The following GRM5 variants were observed in gnomAD, a reference collection of about 807,000 sequenced individuals.
GRM5 encodes the protein metabotropic glutamate receptor 5.
In GRM5, 19 loss-of-function variants were observed where a neutral mutation model predicts 83.1. That is an observed-to-expected ratio of 0.23 (90% confidence interval 0.16 to 0.34). The LOEUF is 0.34. Among genes scored for constraint, GRM5 ranks in the 10% least tolerant of loss-of-function variants. The pLI is 1.00. For missense variants in GRM5, 1,160 were observed against 1,588.3 expected, an observed-to-expected ratio of 0.73 and a Z score of 4.58; for synonymous variants, 675 against 633.6, an observed-to-expected ratio of 1.07 and a Z score of -0.98.
chr11:88,833,284 G>GC (rs549899190), intron 3 of GRM5, among the ~76,000 whole-genome samples: 81 of 151,490 alleles, frequency 5.3e-4, no homozygotes, highest in African/African-American at 1.8e-3. Context: ...AACTCCCGCT[G>GC]CCCCCCCAAA....
intron 9 of GRM5, among the ~76,000 whole-genome samples, chr11:88,521,524 G>C (rs1221088377): frequency 6.6e-6 from 1 of 152,140 alleles, no homozygotes; most frequent in African/African-American, 2.4e-5. Flanking sequence ...CATTCCTGAG[G>C]CTGGACCATC....
intron 2 of GRM5, among the ~76,000 whole-genome samples, chr11:88,994,544 A>G (rs1940111625): frequency 7.1e-6 from 1 of 140,990 alleles, no homozygotes; most frequent in Admixed American, 7.2e-5. Flanking sequence ...ATCCTCTGAG[A>G]GAATCTTGGA....
chr11:89,043,345 CACAAT>C (rs1363267020), intron 2 of GRM5, among the ~76,000 whole-genome samples: 3 of 151,920 alleles, frequency 2.0e-5, no homozygotes, highest in African/African-American at 4.8e-5. Flanking sequence ...TTGTATAAAA[CACAAT>C]ACAATAATTA....
chr11:89,046,839 C>T (rs1941651386), intron 2 of GRM5, among the ~76,000 whole-genome samples: 1 of 151,842 alleles, frequency 6.6e-6, no homozygotes, highest in Non-Finnish European at 1.5e-5. Context: ...CAATAGGCAC[C>T]TAGAACAATC....
intron 2 of GRM5, among the ~76,000 whole-genome samples, chr11:88,929,227 A>T (rs988088890): frequency 6.6e-6 from 1 of 152,104 alleles, no homozygotes. Context: ...CTAAGACTAA[A>T]GAAAGTTCTT....
At chr11:88,729,827 A>T (rs1166200329) in intron 3 of GRM5, among the ~76,000 whole-genome samples, 1 of 152,236 alleles carries the variant, frequency 6.6e-6, no homozygotes, top group Non-Finnish European at 1.5e-5. Flanking sequence ...GGCTAGCCAT[A>T]TGTAGAAAAC....
intron 2 of GRM5, among the ~76,000 whole-genome samples, chr11:89,036,602 G>A (rs1304892477): frequency 6.7e-6 from 1 of 150,304 alleles, no homozygotes; most frequent in Non-Finnish European, 1.5e-5. Context: ...ATTTGATAAT[G>A]AGGAAATTAA....
intron 2 of GRM5, among the ~76,000 whole-genome samples, chr11:88,919,237 G>GATATATATATATATAT (rs1310347767): frequency 1.3e-4 from 1 of 7,408 alleles, no homozygotes; most frequent in African/African-American, 2.4e-4. Context: ...AGCAGGAGTA[G>GATATATATATATATAT]CTATATATAT....
intron 2 of GRM5, among the ~76,000 whole-genome samples, chr11:88,986,267 AT>A (rs1407057551): frequency 5.3e-5 from 8 of 152,188 alleles, no homozygotes. Flanking sequence ...GTATGGTTCA[AT>A]TTATATAACA....
intron 3 of GRM5, among the ~76,000 whole-genome samples, chr11:88,737,084 A>G (rs911049415): frequency 3.3e-5 from 5 of 152,216 alleles, no homozygotes; most frequent in Middle Eastern, 3.4e-3. Context: ...GAGAAATTGA[A>G]TCACACATAC....
At chr11:88,816,786 AT>A (rs1175837104) in intron 3 of GRM5, among the ~76,000 whole-genome samples, 1 of 150,978 alleles carries the variant, frequency 6.6e-6, no homozygotes, top group Non-Finnish European at 1.5e-5. Context: ...CGAATAACCA[AT>A]ATGAGTTTTT....
chr11:89,019,031 C>A (rs560990670), intron 2 of GRM5, among the ~76,000 whole-genome samples: 1 of 152,246 alleles, frequency 6.6e-6, no homozygotes, highest in East Asian at 1.9e-4. Flanking sequence ...GAGATCACAT[C>A]CAGGTTACCA....
chr11:88,743,609 T>C (rs1048548557), intron 3 of GRM5, among the ~76,000 whole-genome samples: 1 of 152,114 alleles, frequency 6.6e-6, no homozygotes, highest in Non-Finnish European at 1.5e-5. Context: ...TGAATGGGCT[T>C]GCAGGATTCA....
chr11:88,687,571 A>ATTATATATATATTATATATATATAT (rs67868877), intron 3 of GRM5, among the ~76,000 whole-genome samples: 2 of 27,586 alleles, frequency 7.3e-5, no homozygotes, highest in African/African-American at 2.2e-4. Flanking sequence ...TTATATATAT[A>ATTATATATATATTATATATATATAT]TATATATAAT....
intron 1 of GRM5, among the ~76,000 whole-genome samples, chr11:89,055,490 A>G (rs1474651291): frequency 6.6e-6 from 1 of 152,138 alleles, no homozygotes; most frequent in African/African-American, 2.4e-5. Flanking sequence ...ATGTTTAAGG[A>G]AAATAGCATC....
chr11:88,567,142 T>A lies in GRM5; in HGVS notation c.2541A>T (p.Val847=). 1 of 1,614,076 alleles carries A rather than the reference T, an allele frequency of 6.2e-7. No individual in the cohort carries two copies. The highest frequency in any genetic ancestry group is 1.1e-5 in the South Asian group (1 of 91,084). ...FTTSTVVRMH[V]GDGKSSSAAS... ...CTGCGGAGGATGACTTGCCATCCCC[T>A]ACATGCATGCGCACCACGGTAGATG... The change falls in exon 8 of 10, where the codon GTA becomes GTT. Residue 847 remains valine, a synonymous_variant. Coordinates refer to ENST00000305447, the MANE Select transcript of GRM5 (RefSeq NM_001143831.3). This position sits in a 1 kb window ranked among gnomAD's most constrained non-coding sequence, Gnocchi z 7.3.
intron 4 of GRM5, among the ~76,000 whole-genome samples, chr11:88,609,023 G>T (rs982279571): frequency 1.3e-5 from 2 of 152,060 alleles, no homozygotes; most frequent in African/African-American, 2.4e-5. Flanking sequence ...AGGCTCAGGG[G>T]TATATGTGCA....
At chr11:88,858,750 T>C (rs61902997) in intron 2 of GRM5, among the ~76,000 whole-genome samples, 33,006 of 151,886 alleles carry the variant, frequency 0.22, 4,795 homozygotes, top group Non-Finnish European at 0.32. Context: ...ACAAACATAA[T>C]TGAAAGAAAA....
chr11:88,612,749 G>T (rs1014398588), intron 4 of GRM5: 5 of 152,082 alleles, frequency 3.3e-5, no homozygotes, highest in Non-Finnish European at 7.4e-5. Context: ...TGTGTTTTTT[G>T]GCTGCATAAA....
Sources: gnomAD v4.1 joint callset for allele counts (sites outside exome capture counted in the v4.1 genomes callset) on GRCh38, gnomAD v4.1.1 for gene constraint, Gnocchi (gnomAD v3.1) non-coding constraint, MANE v1.5 for transcripts, NCBI Gene and HGNC (gene_info 2026-07-23, HGNC 2026-07-21) for gene names.